The following RTL1 variants were observed in gnomAD, a reference collection of about 807,000 sequenced individuals.
The protein encoded by RTL1 is retrotransposon-like protein 1.
For synonymous variants in RTL1, 727 were observed against 748.4 expected, an observed-to-expected ratio of 0.97 and a Z score of 0.47; for missense variants, 1,681 against 1,767.5, an observed-to-expected ratio of 0.95 and a Z score of 0.88.
At chr14:100,887,340 T>G (rs2038708587) in intron 3 of RTL1, among the ~76,000 whole-genome samples, 1 of 152,218 alleles carries the variant, frequency 6.6e-6, no homozygotes, top group South Asian at 2.1e-4. Flanking sequence ...CTTTATTCTA[T>G]CTCTTAATTA....
chr14:100,886,427 G>A (rs887466453), intron 3 of RTL1, among the ~76,000 whole-genome samples: 4 of 152,134 alleles, frequency 2.6e-5, no homozygotes, highest in South Asian at 4.1e-4. Flanking sequence ...ACCTTCTAGC[G>A]TAAACATATC....
At position 100,883,422 on chromosome 14, in the gene RTL1, G is replaced by C. The variant is rs2038648864; in HGVS notation, c.1367C>G (p.Pro456Arg). ...GCCGTCCACGGATTGGACCGGCTGTGGGTACGGCTTCTCGTAGAGCTCGAC... is the reference window on the plus strand; with the variant it reads ...GCCGTCCACGGATTGGACCGGCTGTCGGTACGGCTTCTCGTAGAGCTCGAC... ...HYVELYEKPY[P>R]QPVQSVDGSL... Residue 456 changes from proline (P) to arginine (R), a missense_variant, in exon 4 of 4, where the codon CCA becomes CGA. By Grantham distance (103) the Pro-to-Arg change is moderately radical. Coordinates refer to ENST00000649591, the MANE Select transcript of RTL1 (RefSeq NM_001134888.3). This position sits in a 1 kb window ranked among gnomAD's most constrained non-coding sequence, Gnocchi z 5.9. The C allele has an allele frequency of 6.5e-7, 1 of 1,550,356 alleles. No homozygotes were observed. The highest frequency in any genetic ancestry group is 8.7e-7 in the Non-Finnish European group (1 of 1,146,200).
chr14:100,884,406 G>A lies in RTL1; in HGVS notation c.383C>T (p.Pro128Leu), dbSNP rs1038992095. 6.2e-7 allele frequency: 1 copy of A among 1,608,120 alleles called. No homozygotes were observed. Among genetic ancestry groups the A allele is most frequent in the Non-Finnish European group, 8.5e-7 (1 of 1,176,996 alleles). ...CTCTTGTTCTTCTCGGGCTCCCGAT[G>A]GGTTGACTGATGCTTCTTTCATCCT... ...SDRMKEASVN[P>L]SGAREEQEAH... Residue 128 changes from proline (P) to leucine (L), a missense_variant, in exon 4 of 4, where the codon CCA becomes CTA. Coordinates refer to ENST00000649591, the MANE Select transcript of RTL1 (RefSeq NM_001134888.3).
At position 100,882,774 on chromosome 14, in the gene RTL1, A is replaced by G. The variant is rs1248311437; in HGVS notation, c.2015T>C (p.Ile672Thr). The G allele has an allele frequency of 6.4e-7, 1 of 1,551,798 alleles. No individual in the cohort carries two copies. The stretch of plus-strand genomic sequence containing the variant: ...GTGCCCGTTCACGCTTTCCTCCACA[A>G]TGGTCCCACGCAGCTCCAGTTTTGT... ...WFTKLELRGT[I>T]VEESVNGHRT... Residue 672 changes from isoleucine to threonine, a missense_variant, in exon 4 of 4, where the codon ATT becomes ACT. Physicochemically the swap from Ile to Thr is moderately conservative, Grantham distance 89. Coordinates refer to ENST00000649591, the MANE Select transcript of RTL1 (RefSeq NM_001134888.3).
chr14:100,883,094 C>G lies in RTL1; in HGVS notation c.1695G>C (p.Val565=). 1 of 1,613,736 alleles carries G rather than the reference C, an allele frequency of 6.2e-7. No individual in the cohort carries two copies. The highest frequency in any genetic ancestry group is 8.5e-7 in the Non-Finnish European group (1 of 1,179,904). Residue 565 remains valine (V), a synonymous_variant, in exon 4 of 4, where the codon GTG becomes GTC. Coordinates refer to ENST00000649591, the MANE Select transcript of RTL1 (RefSeq NM_001134888.3). This position sits in a 1 kb window ranked among gnomAD's most constrained non-coding sequence, Gnocchi z 5.9. The part of the protein sequence containing the change: ...LPHPYSDLAD[V]FNPKEADDET... ...CATCATCTGCTTCCTTCGGGTTAAACACGTCGGCCAGGTCTGAGTATGGGT... is the reference window on the plus strand; with the variant it reads ...CATCATCTGCTTCCTTCGGGTTAAAGACGTCGGCCAGGTCTGAGTATGGGT...
intron 2 of RTL1, chr14:100,897,687 C>G (rs2038879565): frequency 4.2e-6 from 1 of 236,168 alleles, no homozygotes; most frequent in South Asian, 5.2e-5. Flanking sequence ...GAGCTGTACA[C>G]ACCAGAGTTT....
rs371107845 is a variant in RTL1, at chr14:100,884,641, C to G, written c.148G>C (p.Gly50Arg). The change falls in exon 4 of 4, where the codon GGC becomes CGC. Residue 50 changes from glycine (G) to arginine (R), a missense_variant. Physicochemically the swap from Gly to Arg is moderately radical, Grantham distance 125. Transcript: ENST00000649591. ...GVRGEAGPAS[G>R]PAQEKKEPPS... is the part of the protein sequence containing the mutation. ...GGCTCCTTCTTTTCCTGGGCTGGGC[C>G]GCTGGCTGGCCCTGCCTCTCCCCGC... The G allele has an allele frequency of 1.8e-5, 29 of 1,613,502 alleles. No homozygotes were observed. In the South Asian group the frequency reaches 2.7e-4, roughly 15 times the overall value.
rs758807727 is a variant in RTL1 at position 100,881,002 on chromosome 14, C to T, written c.3787G>A (p.Asp1263Asn). The change falls in exon 4 of 4, where the codon GAC becomes AAC. Residue 1263 changes from aspartate (D) to asparagine (N), a missense_variant. Coordinates refer to ENST00000649591, the MANE Select transcript of RTL1 (RefSeq NM_001134888.3). This position sits in a 1 kb window ranked among gnomAD's most constrained non-coding sequence, Gnocchi z 6.6. Reference sequence around the variant, plus strand: ...TGGCTGGGTGGGGCCTCCTGCACGTCGTTGTCCTGCTTGTCCTGCGAGGTG... The same window carrying T: ...TGGCTGGGTGGGGCCTCCTGCACGTTGTTGTCCTGCTTGTCCTGCGAGGTG... The part of the protein sequence containing the change: ...QDTSQDKQDN[D>N]VQEAPPSHTA... 17 of 1,572,416 alleles carry T rather than the reference C, an allele frequency of 1.1e-5. No individual in the cohort carries two copies. Among genetic ancestry groups the T allele is most frequent in the Admixed American group, 7.3e-5 (4 of 54,468 alleles).
chr14:100,886,326 C>A (rs1412881499), intron 3 of RTL1, among the ~76,000 whole-genome samples: 1 of 152,004 alleles, frequency 6.6e-6, no homozygotes, highest in Non-Finnish European at 1.5e-5. Context: ...ATTAAGTACA[C>A]CCTTGTTAGC....
intron 3 of RTL1, among the ~76,000 whole-genome samples, chr14:100,890,662 C>T (rs1033787284): frequency 3.9e-5 from 6 of 152,122 alleles, no homozygotes; most frequent in Non-Finnish European, 8.8e-5. Flanking sequence ...GCCCCTGGCT[C>T]TCTGGGCTGC....
Position 100,880,717 on chromosome 14 carries a change from CGAGG to C in RTL1, c.4068_4071del (p.Asn1356LysfsTer65). ...CTGGAGACAGGGAGGCGTCTTCAGT[CGAGG>C]TTAGCATCTTCGTCCTCATCAGGCA... is the stretch of plus-strand genomic sequence containing the variant. On this transcript the variant is annotated frameshift_variant, in exon 4 of 4. Coordinates refer to ENST00000649591, the MANE Select transcript of RTL1 (RefSeq NM_001134888.3). LOFTEE classifies it high-confidence loss of function. The C allele has an allele frequency of 6.4e-7, 1 of 1,550,746 alleles. No individual in the cohort carries two copies. Among genetic ancestry groups the C allele is most frequent in the Non-Finnish European group, 8.7e-7 (1 of 1,146,956 alleles).
Position 100,881,486 on chromosome 14 carries a change from C to T in RTL1, c.3303G>A (p.Val1101=), listed in dbSNP as rs1488293084. 1 of 1,551,476 alleles carries T rather than the reference C, an allele frequency of 6.4e-7. No homozygotes were observed. Among genetic ancestry groups the T allele is most frequent in the Non-Finnish European group, 8.7e-7 (1 of 1,146,986 alleles). Residue 1101 remains valine (V), a synonymous_variant, in exon 4 of 4, where the codon GTG becomes GTA. Coordinates refer to ENST00000649591, the MANE Select transcript of RTL1 (RefSeq NM_001134888.3). This position sits in a 1 kb window ranked among gnomAD's most constrained non-coding sequence, Gnocchi z 6.6. ...ALAAILVLLR[V]RQCLSLRPAP... ...CCGGCCGCAGCGAGAGGCATTGCCT[C>T]ACGCGCAGTAGCACGAGGATGGCTG... is the stretch of plus-strand genomic sequence containing the variant.
At chr14:100,888,802 G>A (rs528974048) in intron 3 of RTL1, among the ~76,000 whole-genome samples, 8 of 151,872 alleles carry the variant, frequency 5.3e-5, no homozygotes, top group Non-Finnish European at 1.0e-4. Context: ...TTTCATATTC[G>A]CAATATTGAT....
chr14:100,880,778 G>T lies in RTL1; in HGVS notation c.4011C>A (p.Ser1337Arg). 6.4e-7 allele frequency: 1 copy of T among 1,550,768 alleles called. No individual in the cohort carries two copies. The highest frequency in any genetic ancestry group is 8.7e-7 in the Non-Finnish European group (1 of 1,146,954). Residue 1337 changes from serine to arginine, a missense_variant, in exon 4 of 4, where the codon AGC (serine) becomes AGA (arginine). By Grantham distance (110) the Ser-to-Arg change is moderately radical. Coordinates refer to ENST00000649591, the MANE Select transcript of RTL1 (RefSeq NM_001134888.3). ...RRALPIPAWE[S>R]QPREQARLEE... is the part of the protein sequence containing the mutation. ...CTAGCCTTGCCTGCTCCCTGGGCTG[G>T]CTCTCCCAGGCGGGGATGGGCAGGG...
At position 100,880,619 on chromosome 14, in the gene RTL1, G is replaced by A. The variant is rs1386665952; in HGVS notation, c.*93C>T. On this transcript the variant is annotated 3_prime_UTR_variant, in exon 4 of 4. Transcript: ENST00000649591. ...GGTCAGGAGTGGCAGGAAGGGAAGC[G>A]AAGCAGGCTGAGGCGCGGGGAGGCC... 1.6e-5 allele frequency: 24 copies of A among 1,507,818 alleles called. No individual in the cohort carries two copies. Among genetic ancestry groups the A allele is most frequent in the African/African-American group, 5.6e-5 (4 of 71,902 alleles). The allele number at this position is 1,507,818 out of a possible 1,614,324, so 93.4% of individuals were successfully genotyped here.
Position 100,884,578 on chromosome 14 carries a change from T to G in RTL1, c.211A>C (p.Thr71Pro). Residue 71 changes from threonine to proline, a missense_variant, in exon 4 of 4, where the codon ACT becomes CCT. Transcript: ENST00000649591. Reference protein sequence around the residue: ...GPLQEMEELPTDLLQDMEEPS... With the variant: ...GPLQEMEELPPDLLQDMEEPS... ...TCCTCCATGTCTTGGAGTAGATCAGTGGGCAGCTCTTCCATTTCCTGGAGT... is the reference window on the plus strand; with the variant it reads ...TCCTCCATGTCTTGGAGTAGATCAGGGGGCAGCTCTTCCATTTCCTGGAGT... The G allele has an allele frequency of 6.2e-7, 1 of 1,613,484 alleles. No individual in the cohort carries two copies. Among genetic ancestry groups the G allele is most frequent in the Non-Finnish European group, 8.5e-7 (1 of 1,179,466 alleles).
intron 3 of RTL1, among the ~76,000 whole-genome samples, chr14:100,888,930 C>T (rs927396715): frequency 7.9e-5 from 12 of 152,122 alleles, no homozygotes; most frequent in South Asian, 2.1e-4. Context: ...AAAATGTTTG[C>T]GCATGATTGT....
At chr14:100,888,749 C>T (rs2038727945) in intron 3 of RTL1, among the ~76,000 whole-genome samples, 2 of 152,204 alleles carry the variant, frequency 1.3e-5, no homozygotes, top group Admixed American at 6.5e-5. Flanking sequence ...GCATATGCAA[C>T]AGTCTAATCA....
At chr14:100,887,317 C>T (rs2038708400) in intron 3 of RTL1, among the ~76,000 whole-genome samples, 1 of 152,200 alleles carries the variant, frequency 6.6e-6, no homozygotes, top group African/African-American at 2.4e-5. Flanking sequence ...GCTCTTATAA[C>T]TTCTGCTTAA....
Sources: allele counts gnomAD v4.1 joint callset (sites outside exome capture counted in the v4.1 genomes callset), GRCh38; gene constraint gnomAD v4.1.1; non-coding constraint Gnocchi (gnomAD v3.1); transcripts MANE v1.5; gene names NCBI Gene and HGNC (gene_info 2026-07-23, HGNC 2026-07-21).